The following TENM3 variants were observed in gnomAD, a reference collection of about 807,000 sequenced individuals.
TENM3 encodes the protein teneurin transmembrane protein 3.
In TENM3, 63 loss-of-function variants were observed where a neutral mutation model predicts 255.1. That is an observed-to-expected ratio of 0.25 (90% CI 0.20 to 0.30). The LOEUF is 0.30. TENM3 is among the 10% of genes least tolerant of loss of function. The probability of loss-of-function intolerance (pLI) is 1.00; values close to 1 mark genes in which losing one functional copy is unlikely to be tolerated. For missense variants in TENM3, 2,929 were observed against 3,461.1 expected, an observed-to-expected ratio of 0.85 and a Z score of 3.86; for synonymous variants, 1,306 against 1,322.3, an observed-to-expected ratio of 0.99 and a Z score of 0.27.
the TENM3 span, among the ~76,000 whole-genome samples, chr4:181,909,854 G>T: frequency 7.2e-5 from 11 of 152,092 alleles, no homozygotes; most frequent in African/African-American, 2.7e-4. Context: ...AATTTTCTTT[G>T]AGTCTATGAC....
At chr4:182,389,745 G>C (rs1322376883) in intron 3 of TENM3, among the ~76,000 whole-genome samples, 2 of 140,658 alleles carry the variant, frequency 1.4e-5, no homozygotes, top group Admixed American at 7.6e-5. Flanking sequence ...GAGTGCAGTG[G>C]CGCGATCTCG....
chr4:181,877,850 A>G, the TENM3 span, among the ~76,000 whole-genome samples: 1 of 152,168 alleles, frequency 6.6e-6, no homozygotes, highest in Non-Finnish European at 1.5e-5. Context: ...CATCTATTAC[A>G]TGGAGGCTGG....
At chr4:182,120,403 G>GTATC in the TENM3 span, among the ~76,000 whole-genome samples, 1 of 152,078 alleles carries the variant, frequency 6.6e-6, no homozygotes, top group African/African-American at 2.4e-5. Context: ...TTCTCAGAAT[G>GTATC]TATCTCTGCC....
the TENM3 span, among the ~76,000 whole-genome samples, chr4:181,988,082 A>G: frequency 6.6e-5 from 10 of 152,118 alleles, no homozygotes; most frequent in African/African-American, 2.2e-4. Context: ...TCCAAAAGAA[A>G]TAGGATCTGT....
At chr4:182,156,844 G>T (rs1750740839) in intron 1 of TENM3, among the ~76,000 whole-genome samples, 3 of 152,078 alleles carry the variant, frequency 2.0e-5, no homozygotes. Flanking sequence ...GTGCTCTTGT[G>T]TCCAAGTGGC....
intron 3 of TENM3, among the ~76,000 whole-genome samples, chr4:182,417,606 T>A (rs1448747560): frequency 6.6e-6 from 1 of 152,180 alleles, no homozygotes; most frequent in African/African-American, 2.4e-5. Flanking sequence ...TAGTATCTAA[T>A]AAACGGCTAA....
the TENM3 span, among the ~76,000 whole-genome samples, chr4:181,821,392 C>A: frequency 6.6e-6 from 1 of 152,112 alleles, no homozygotes; most frequent in East Asian, 1.9e-4. Context: ...TTATATCCTG[C>A]GATATAATCC....
the TENM3 span, among the ~76,000 whole-genome samples, chr4:181,909,585 G>A: frequency 6.6e-5 from 10 of 151,966 alleles, no homozygotes; most frequent in Non-Finnish European, 1.3e-4. Context: ...GCACAGCTGG[G>A]GAGAATTTCC....
the TENM3 span, among the ~76,000 whole-genome samples, chr4:181,589,820 G>T: frequency 6.6e-6 from 1 of 152,176 alleles, no homozygotes; most frequent in Non-Finnish European, 1.5e-5. Flanking sequence ...GACCGTACGT[G>T]ATTCTCTCAG....
the TENM3 span, among the ~76,000 whole-genome samples, chr4:181,738,451 C>G: frequency 6.6e-6 from 1 of 152,046 alleles, no homozygotes; most frequent in Admixed American, 6.6e-5. Context: ...TTATTTTGTG[C>G]TTGTTGTTTT....
chr4:181,713,386 A>G, the TENM3 span, among the ~76,000 whole-genome samples: 1 of 152,180 alleles, frequency 6.6e-6, no homozygotes, highest in Non-Finnish European at 1.5e-5. Context: ...TGATTTCTGA[A>G]ACCCCATTAT....
Position 182,258,743 on chromosome 4 carries a change from G to A in TENM3, c.-76+15267G>A, listed in dbSNP as rs80278047. On this transcript the variant is annotated intron_variant, in intron 1 of 27. Coordinates refer to ENST00000511685, the MANE Select transcript of TENM3 (RefSeq NM_001080477.4). ...ATCTTACAAAATCATTTTTGTAAGA[G>A]ACCATGCAGCGACTACCTATTAAAC... Among the ~76,000 whole-genome samples the A allele has an allele frequency of 1.3e-3, 200 of 152,246 alleles. 1 individual carries two copies. The highest frequency in any genetic ancestry group is 4.5e-3 in the African/African-American group (188 of 41,552).
chr4:182,315,403 T>C (rs984999844), intron 1 of TENM3, among the ~76,000 whole-genome samples: 1 of 146,466 alleles, frequency 6.8e-6, no homozygotes. Context: ...TATAAAATTC[T>C]AGGGTTTTTT....
intron 1 of TENM3, among the ~76,000 whole-genome samples, chr4:182,213,122 T>A (rs1411847838): frequency 6.6e-6 from 1 of 152,230 alleles, no homozygotes; most frequent in Non-Finnish European, 1.5e-5. Context: ...GAAAACCAGA[T>A]CTTCCCAGTA....
At chr4:182,520,048 A>G (rs533378395) in intron 3 of TENM3, among the ~76,000 whole-genome samples, 1 of 152,276 alleles carries the variant, frequency 6.6e-6, no homozygotes, top group East Asian at 1.9e-4. Flanking sequence ...AATGCTAGCA[A>G]TTATTAATAG....
At chr4:182,017,856 A>G in the TENM3 span, among the ~76,000 whole-genome samples, 1 of 152,190 alleles carries the variant, frequency 6.6e-6, no homozygotes, top group African/African-American at 2.4e-5. Flanking sequence ...TTCTTTTGCT[A>G]TTTTACAAAC....
chr4:182,354,668 A>G (rs1337984855), intron 3 of TENM3, among the ~76,000 whole-genome samples: 1 of 152,224 alleles, frequency 6.6e-6, no homozygotes, highest in Non-Finnish European at 1.5e-5. Flanking sequence ...ACTTCAGTAT[A>G]TTGAAATTTT....
Position 182,753,109 on chromosome 4 carries a change from G to GT in TENM3, c.3863-334dup, listed in dbSNP as rs886913388. On this transcript the variant is annotated intron_variant, in intron 20 of 27. Coordinates refer to ENST00000511685, the MANE Select transcript of TENM3 (RefSeq NM_001080477.4). ...CTACAGGCTCACACTGCCACACCCA[G>GT]TTTTTTTGTGTGTTTTTTAGTAGAG... Among the ~76,000 whole-genome samples the GT allele has an allele frequency of 3.3e-5, 5 of 152,008 alleles. No homozygotes were observed. In the South Asian group the frequency reaches 6.2e-4, roughly 19 times the overall value.
chr4:181,597,053 A>G, the TENM3 span, among the ~76,000 whole-genome samples: 3 of 152,152 alleles, frequency 2.0e-5, no homozygotes, highest in African/African-American at 7.2e-5. Context: ...CTACACATAT[A>G]TCCCTGAACT....
Sources: allele counts gnomAD v4.1 joint callset (sites outside exome capture counted in the v4.1 genomes callset), GRCh38; gene constraint gnomAD v4.1.1; transcripts MANE v1.5; gene names NCBI Gene and HGNC (gene_info 2026-07-23, HGNC 2026-07-21).